The following STK33 variants were observed in gnomAD, a reference collection of about 807,000 sequenced individuals.
STK33 encodes the protein serine/threonine-protein kinase 33.
In STK33, 52 loss-of-function variants were observed where a neutral mutation model predicts 58.0. The observed-to-expected ratio is 0.90, with a 90% CI of 0.72 to 1.13. The LOEUF is 1.13. STK33 is among the 50% of genes most tolerant of loss of function. The pLI, the probability that STK33 is intolerant of heterozygous loss-of-function variation, is 0.00. For missense variants in STK33, 630 were observed against 604.2 expected, an observed-to-expected ratio of 1.04 and a Z score of -0.45; for synonymous variants, 215 against 200.1, an observed-to-expected ratio of 1.07 and a Z score of -0.63.
chr11:8,382,160 C>T, the STK33 span, among the ~76,000 whole-genome samples: 7 of 152,180 alleles, frequency 4.6e-5, no homozygotes, highest in South Asian at 2.1e-4. Flanking sequence ...CATCCTGCAG[C>T]GAGGAACATC....
chr11:8,409,112 G>C (rs2135527586), intron 15 of STK33, among the ~76,000 whole-genome samples: 2 of 152,324 alleles, frequency 1.3e-5, no homozygotes, highest in East Asian at 3.9e-4. Flanking sequence ...GTCTTTTGAA[G>C]GATAGCAGTT....
the STK33 span, among the ~76,000 whole-genome samples, chr11:8,379,484 G>C: frequency 6.6e-6 from 1 of 151,976 alleles, no homozygotes; most frequent in Non-Finnish European, 1.5e-5. Context: ...AGTAGGAAAA[G>C]ACATGAACAG....
intron 14 of STK33, among the ~76,000 whole-genome samples, chr11:8,435,071 G>A (rs552301806): frequency 1.3e-5 from 2 of 152,234 alleles, no homozygotes; most frequent in Non-Finnish European, 2.9e-5. Flanking sequence ...TCCAAACCAG[G>A]AGACTGCCAC....
chr11:8,414,141 A>G (rs1281649129), intron 14 of STK33, among the ~76,000 whole-genome samples: 2 of 152,206 alleles, frequency 1.3e-5, no homozygotes, highest in East Asian at 1.9e-4. Context: ...AATTCAGTCA[A>G]TTAGTCAAGC....
intron 14 of STK33, among the ~76,000 whole-genome samples, chr11:8,432,054 TTAA>T (rs538791223): frequency 2.2e-3 from 331 of 152,330 alleles, no homozygotes; most frequent in Admixed American, 5.0e-3. Flanking sequence ...TTACGTGGCT[TTAA>T]CTATATTTTA....
intron 15 of STK33, among the ~76,000 whole-genome samples, chr11:8,407,922 G>A (rs1351311953): frequency 1.3e-5 from 2 of 152,032 alleles, no homozygotes; most frequent in African/African-American, 4.8e-5. Flanking sequence ...AAGATAAAGA[G>A]ATGACCTTGA....
chr11:8,397,745 C>A (rs998756111), intron 15 of STK33, among the ~76,000 whole-genome samples: 2 of 151,896 alleles, frequency 1.3e-5, no homozygotes, highest in Non-Finnish European at 2.9e-5. Context: ...ACTAGGATAA[C>A]CAATGCACAG....
intron 15 of STK33, among the ~76,000 whole-genome samples, chr11:8,403,099 A>T (rs537294514): frequency 6.6e-6 from 1 of 152,332 alleles, no homozygotes; most frequent in Non-Finnish European, 1.5e-5. Flanking sequence ...CTTAGTTCTA[A>T]GGGGAAAGAT....
the STK33 span, among the ~76,000 whole-genome samples, chr11:8,360,584 C>T: frequency 6.6e-6 from 1 of 152,246 alleles, no homozygotes; most frequent in Non-Finnish European, 1.5e-5. Flanking sequence ...TCTGCCCAGG[C>T]AGAAATCAAG....
chr11:8,428,311 C>G (rs1376876809), intron 14 of STK33, among the ~76,000 whole-genome samples: 2 of 152,232 alleles, frequency 1.3e-5, no homozygotes, highest in Non-Finnish European at 2.9e-5. Context: ...TATGTAAGCA[C>G]TGGTGTCCCA....
intron 1 of STK33, among the ~76,000 whole-genome samples, chr11:8,543,007 G>A (rs145070678): frequency 1.4e-3 from 207 of 152,178 alleles, no homozygotes; most frequent in African/African-American, 4.8e-3. Context: ...CACTGCACCC[G>A]GCCTGGTTTT....
chr11:8,535,473 CAT>C (rs769829407), intron 1 of STK33, among the ~76,000 whole-genome samples: 4 of 152,034 alleles, frequency 2.6e-5, no homozygotes, highest in Admixed American at 1.3e-4. Context: ...ATGGCCAACA[CAT>C]GTGAAAAAAA....
intron 14 of STK33, among the ~76,000 whole-genome samples, chr11:8,424,346 C>G (rs1315165727): frequency 6.7e-6 from 1 of 149,996 alleles, no homozygotes; most frequent in Non-Finnish European, 1.5e-5. Flanking sequence ...GCATAGTATT[C>G]CATGGTGTAT....
intron 15 of STK33, among the ~76,000 whole-genome samples, chr11:8,409,754 A>G (rs139925980): frequency 1.5e-3 from 230 of 152,316 alleles, no homozygotes; most frequent in African/African-American, 5.4e-3. Context: ...TATTCTATAT[A>G]CATTTTTAGT....
Position 8,473,268 on chromosome 11 carries a change from TC to T in STK33, c.233del (p.Arg78LysfsTer5). On this transcript the variant is annotated frameshift_variant, in exon 6 of 16. Transcript: ENST00000687296. LOFTEE classifies it high-confidence loss of function. ...ATGCTTTTCTCTCTACATTTGAGGT[TC>T]TTGAGGGCTGGGACCAAAAAAAAAA... is the stretch of plus-strand genomic sequence containing the variant. Reference protein sequence around the residue: ...DITSRKDLPSRTSNVERKASQ... With the variant: ...DITSRKDLPSXTSNVERKASQ... 6.2e-7 allele frequency: 1 copy of T among 1,603,914 alleles called. No individual in the cohort carries two copies.
At chr11:8,374,319 G>A in the STK33 span, among the ~76,000 whole-genome samples, 6,274 of 152,282 alleles carry the variant, frequency 0.041, 367 homozygotes, top group African/African-American at 0.13. Context: ...GGTTGGGGGC[G>A]TTGGTAGAGG....
intron 1 of STK33, among the ~76,000 whole-genome samples, chr11:8,569,041 G>C (rs149662306): frequency 6.6e-6 from 1 of 152,222 alleles, no homozygotes; most frequent in African/African-American, 2.4e-5. Flanking sequence ...ATATTATCTG[G>C]AGAAGGTCCC....
At chr11:8,438,285 G>A (rs1031044779) in intron 12 of STK33, among the ~76,000 whole-genome samples, 5 of 152,098 alleles carry the variant, frequency 3.3e-5, no homozygotes, top group South Asian at 2.1e-4. Context: ...TCCAAGACAC[G>A]AAAAATATCT....
intron 1 of STK33, among the ~76,000 whole-genome samples, chr11:8,557,223 C>A (rs1591783090): frequency 1.1e-5 from 1 of 94,314 alleles, no homozygotes; most frequent in East Asian, 3.6e-4. Context: ...TGCACTCCAC[C>A]GTAGGCAACA....
Sources: gnomAD v4.1 joint callset for allele counts (sites outside exome capture counted in the v4.1 genomes callset) on GRCh38, gnomAD v4.1.1 for gene constraint, MANE v1.5 for transcripts, NCBI Gene and HGNC (gene_info 2026-07-23, HGNC 2026-07-21) for gene names.